The following CCDC66 variants were observed in gnomAD, a reference collection of about 807,000 sequenced individuals.
CCDC66 encodes the protein coiled-coil domain-containing protein 66.
A neutral mutation model predicts 128.3 loss-of-function variants in CCDC66; 133 were observed. The observed-to-expected ratio is 1.04, with a 90% confidence interval of 0.90 to 1.20. The LOEUF (loss-of-function observed/expected upper bound fraction) is 1.20, where lower values mean the gene tolerates loss of function less well. Ranked by LOEUF, CCDC66 falls within the 50% of genes most tolerant of loss-of-function variation. The pLI is 0.00. For synonymous variants in CCDC66, 387 were observed against 357.0 expected (o/e 1.08, Z -0.95); for missense variants, 1,126 against 1,075.5 (o/e 1.05, Z -0.66).
At chr3:56,559,507 T>C in intron 2 of CCDC66, 62 bp from the exon 3 acceptor site, 1 of 1,077,408 alleles carries the variant, frequency 9.3e-7, no homozygotes, top group African/African-American at 1.6e-5. Context: ...TACAGTTTTC[T>C]TGCATTACCA....
intron 4 of CCDC66, 82 bp downstream of exon 4, chr3:56,564,207 A>T: frequency 2.0e-6 from 2 of 1,019,588 alleles, no homozygotes; most frequent in East Asian, 5.1e-5. Flanking sequence ...GTTTTATGTA[A>T]CTGTGACTCT....
At chr3:56,591,398 C>T (rs928789798) in intron 7 of CCDC66, among the ~76,000 whole-genome samples, 2 of 152,134 alleles carry the variant, frequency 1.3e-5, no homozygotes, top group African/African-American at 4.8e-5. Flanking sequence ...AAATATACAG[C>T]ATCCACTCTT....
rs764991240 is a variant in CCDC66, at chr3:56,621,617, A to T, written c.2846A>T (p.Ter949LeuextTer2). The change falls in exon 18 of 18, where the codon TAA becomes TTA. Residue 949 changes from the stop codon to leucine (L), a stop_lost. Transcript: ENST00000394672. ...NQEESFGSSF[*>L] ...GAAGAGAGTTTTGGTTCTTCATTTT[A>T]AATGTAGAAAATCAAATCCTTCACA... 8 of 1,589,252 alleles carry T rather than the reference A, an allele frequency of 5.0e-6. No homozygotes were observed. In the Admixed American group the frequency reaches 1.4e-4, roughly 28 times the overall value.
At position 56,617,547 on chromosome 3, in the gene CCDC66, T is replaced by C; in HGVS notation, c.2279T>C (p.Ile760Thr). Residue 760 changes from isoleucine (I) to threonine (T), a missense_variant, in exon 14 of 18, where the codon ATT becomes ACT. Ile to Thr is a moderately conservative substitution (Grantham distance 89). Transcript: ENST00000394672. Reference sequence around the variant, plus strand: ...CAAAACAGAGGCATTTCACCAGAAATTTTTCATTCATCTCATCAAGAAACG... The same window carrying C: ...CAAAACAGAGGCATTTCACCAGAAACTTTTCATTCATCTCATCAAGAAACG... ...LSQNRGISPE[I>T]FHSSHQETES... 2.5e-6 allele frequency: 4 copies of C among 1,609,966 alleles called. No individual in the cohort carries two copies. The highest frequency in any genetic ancestry group is 3.4e-6 in the Non-Finnish European group (4 of 1,179,094).
intron 7 of CCDC66, among the ~76,000 whole-genome samples, chr3:56,592,047 T>A (rs772269204): frequency 6.6e-6 from 1 of 152,242 alleles, no homozygotes; most frequent in Non-Finnish European, 1.5e-5. Flanking sequence ...CAGCAAACTT[T>A]TATGCTACTG....
At chr3:56,566,536 A>G in intron 4 of CCDC66, 58 bp from the exon 5 acceptor site, 1 of 1,137,484 alleles carries the variant, frequency 8.8e-7, no homozygotes, top group Non-Finnish European at 1.3e-6. Context: ...GCACTATGCC[A>G]AGTATTATAA....
At chr3:56,563,557 A>G (rs1264159606) in intron 3 of CCDC66, 127 bp from the exon 4 acceptor site, 2 of 661,922 alleles carry the variant, frequency 3.0e-6, no homozygotes, top group East Asian at 5.5e-5. Flanking sequence ...TTAGTTTCTT[A>G]TGGTTATATT....
At chr3:56,582,129 C>T (rs904146979) in intron 7 of CCDC66, among the ~76,000 whole-genome samples, 5 of 151,968 alleles carry the variant, frequency 3.3e-5, no homozygotes, top group African/African-American at 1.2e-4. Context: ...CGCCCCTCCC[C>T]AGCCTTGCTG....
intron 10 of CCDC66, among the ~76,000 whole-genome samples, chr3:56,600,601 T>C (rs919369263): frequency 1.3e-5 from 2 of 152,028 alleles, no homozygotes; most frequent in African/African-American, 4.8e-5. Context: ...CCACCAACAG[T>C]GTAAAAGCGT....
intron 10 of CCDC66, among the ~76,000 whole-genome samples, chr3:56,594,637 T>C (rs1421926792): frequency 2.0e-5 from 3 of 151,686 alleles, no homozygotes; most frequent in Non-Finnish European, 4.4e-5. Context: ...GAGCTGAGAT[T>C]GTGCTACTGC....
At chr3:56,597,433 A>G (rs561705123) in intron 10 of CCDC66, among the ~76,000 whole-genome samples, 27 of 152,128 alleles carry the variant, frequency 1.8e-4, no homozygotes, top group Non-Finnish European at 3.1e-4. Flanking sequence ...TCTGTGAAAA[A>G]TGAAGGTGGT....
At chr3:56,613,537 C>A in intron 10 of CCDC66, 52 bp from the exon 11 acceptor site, 1 of 1,579,408 alleles carries the variant, frequency 6.3e-7, no homozygotes, top group Non-Finnish European at 8.6e-7. Context: ...TGAATTCCCT[C>A]CTGCTTAGAT....
chr3:56,584,420 C>T (rs1468382945), intron 7 of CCDC66, among the ~76,000 whole-genome samples: 3 of 150,556 alleles, frequency 2.0e-5, no homozygotes, highest in Non-Finnish European at 4.4e-5. Context: ...TCAGACGGGG[C>T]GGCCAGGCGG....
chr3:56,586,470 A>C (rs1385021986), intron 7 of CCDC66, among the ~76,000 whole-genome samples: 1 of 151,536 alleles, frequency 6.6e-6, no homozygotes, highest in African/African-American at 2.4e-5. Context: ...GGCAAAGGTT[A>C]CAGTGAGCTG....
intron 7 of CCDC66, among the ~76,000 whole-genome samples, chr3:56,586,692 T>G (rs551995942): frequency 6.6e-6 from 1 of 151,840 alleles, no homozygotes; most frequent in African/African-American, 2.4e-5. Context: ...AAAGCAGAGA[T>G]ATGAAAACTC....
intron 10 of CCDC66, among the ~76,000 whole-genome samples, chr3:56,601,163 A>AG (rs1312577786): frequency 6.6e-6 from 1 of 152,046 alleles, no homozygotes; most frequent in East Asian, 1.9e-4. Flanking sequence ...GGTGTAAGGA[A>AG]GGAGTCCAGT....
intron 15 of CCDC66, 176 bp from the exon 16 acceptor site, chr3:56,619,095 G>A: frequency 1.8e-6 from 1 of 551,414 alleles, no homozygotes; most frequent in Non-Finnish European, 3.1e-6. Context: ...GCGTGCGCCT[G>A]TAATCCCAGC....
chr3:56,619,105 C>G (rs917450649), intron 15 of CCDC66, 166 bp from the exon 16 acceptor site: 4 of 563,482 alleles, frequency 7.1e-6, no homozygotes, highest in Non-Finnish European at 1.2e-5. Context: ...GTAATCCCAG[C>G]TACTTGGGAG....
At chr3:56,585,258 A>G (rs886423278) in intron 7 of CCDC66, among the ~76,000 whole-genome samples, 5 of 151,880 alleles carry the variant, frequency 3.3e-5, no homozygotes, top group South Asian at 2.1e-4. Context: ...AATAGGCCCA[A>G]CATAAGATGG....
Sources: allele counts gnomAD v4.1 joint callset (sites outside exome capture counted in the v4.1 genomes callset), GRCh38; gene constraint gnomAD v4.1.1; transcripts MANE v1.5; gene names NCBI Gene and HGNC (gene_info 2026-07-23, HGNC 2026-07-21).